Variants in ZNF805 observed in about 807,000 individuals in gnomAD.
The protein encoded by ZNF805 is CTC-444N24.8.
Under a neutral mutation model 13.6 loss-of-function variants are expected in ZNF805, and 7 were observed. That is an observed-to-expected ratio of 0.51 (90% CI 0.29 to 0.97). ZNF805 has a LOEUF of 0.97. Ranked by LOEUF, ZNF805 falls within the 50% of genes least tolerant of loss-of-function variation. The pLI is 0.08. For missense variants in ZNF805, 604 were observed against 771.0 expected, an observed-to-expected ratio of 0.78 and a Z score of 2.57; for synonymous variants, 293 against 279.8, an observed-to-expected ratio of 1.05 and a Z score of -0.47.
chr19:57,247,706 T>C (rs1418547003), intron 2 of ZNF805, among the ~76,000 whole-genome samples: 1 of 152,218 alleles, frequency 6.6e-6, no homozygotes, highest in African/African-American at 2.4e-5. Context: ...CCTGGCACTT[T>C]CTGGGCAGCG....
At chr19:57,245,013 T>C (rs1045715081) in intron 2 of ZNF805, among the ~76,000 whole-genome samples, 1 of 152,096 alleles carries the variant, frequency 6.6e-6, no homozygotes, top group South Asian at 2.1e-4. Flanking sequence ...ATGTATCTGC[T>C]CCACAGCCCA....
intron 2 of ZNF805, among the ~76,000 whole-genome samples, chr19:57,244,880 T>C (rs912402861): frequency 4.6e-5 from 7 of 152,152 alleles, no homozygotes; most frequent in Non-Finnish European, 8.8e-5. Context: ...CAGCAAATGC[T>C]GCTCCACCTC....
Position 57,240,888 on chromosome 19 carries a change from C to T in ZNF805, c.-4C>T, listed in dbSNP as rs528335847. On this transcript the variant is annotated 5_prime_UTR_variant, in exon 1 of 4. Coordinates refer to ENST00000414468, the MANE Select transcript of ZNF805 (RefSeq NM_001023563.4). ...CCGCCCCGCTAGGGCCACAGGGTCC[C>T]GGTATGGCGATGGCTTTGACGGACC... 9.4e-5 allele frequency: 146 copies of T among 1,553,964 alleles called. No individual in the cohort carries two copies. The African/African-American group carries it at 1.8e-3, about 19-fold the overall frequency.
chr19:57,249,345 G>C (rs1228471727), intron 3 of ZNF805, among the ~76,000 whole-genome samples: 1 of 152,260 alleles, frequency 6.6e-6, no homozygotes, highest in East Asian at 1.9e-4. Flanking sequence ...ATGGTCTGGT[G>C]AGCACCTACT....
At position 57,254,113 on chromosome 19, in the gene ZNF805, T is replaced by C. The variant is rs1367498385; in HGVS notation, c.1294T>C (p.Cys432Arg). ...GGAGAAGCCATATGTGTGTAGTGAATGCGGAAAGGCCTTCACCCACTGCTC... is the reference window on the plus strand; with the variant it reads ...GGAGAAGCCATATGTGTGTAGTGAACGCGGAAAGGCCTTCACCCACTGCTC... The part of the protein sequence containing the change: ...TGEKPYVCSE[C>R]GKAFTHCSTF... The change falls in exon 4 of 4, where the codon TGC (cysteine) becomes CGC (arginine). Residue 432 changes from cysteine (C) to arginine (R), a missense_variant. Around this residue, in one of 3 missense-constraint regions of ZNF805, gnomAD observed 228 missense variants for 352.8 expected, o/e 0.65. Transcript: ENST00000414468. 2 of 1,613,650 alleles carry C rather than the reference T, an allele frequency of 1.2e-6. No individual in the cohort carries two copies. The highest frequency in any genetic ancestry group is 1.7e-6 in the Non-Finnish European group (2 of 1,179,996).
Position 57,260,403 on chromosome 19 carries a change from T to A in ZNF805, c.*5700T>A, listed in dbSNP as rs762092853. ...ACTGTCGCCACCCCTTTACATTTCCTTTTACTCCCCAGATACTACTAAATG... is the reference window on the plus strand; with the variant it reads ...ACTGTCGCCACCCCTTTACATTTCCATTTACTCCCCAGATACTACTAAATG... On this transcript the variant is annotated 3_prime_UTR_variant, in exon 4 of 4. Coordinates refer to ENST00000414468, the MANE Select transcript of ZNF805 (RefSeq NM_001023563.4). 6.6e-6 allele frequency among the ~76,000 whole-genome samples: 1 copy of A among 152,150 alleles called. No individual in the cohort carries two copies. The highest frequency in any genetic ancestry group is 6.5e-5 in the Admixed American group (1 of 15,268).
intron 2 of ZNF805, among the ~76,000 whole-genome samples, chr19:57,245,089 A>T (rs1029004766): frequency 1.1e-4 from 16 of 152,098 alleles, no homozygotes; most frequent in African/African-American, 3.9e-4. Context: ...CCCCAAGGAG[A>T]CATTGACCTT....
At chr19:57,245,999 G>A (rs923941444) in intron 2 of ZNF805, among the ~76,000 whole-genome samples, 3 of 152,158 alleles carry the variant, frequency 2.0e-5, no homozygotes, top group African/African-American at 2.4e-5. Context: ...AGAGACACTT[G>A]AGGAAGTTGT....
Position 57,254,698 on chromosome 19 carries a change from C to T in ZNF805, c.1879C>T (p.Leu627=). ...AAGAGAAACCCCACAAGTGTCTTCACTGTGAGAAAACCTTCTGTTGCCAAA... is the reference window on the plus strand; with the variant it reads ...AAGAGAAACCCCACAAGTGTCTTCATTGTGAGAAAACCTTCTGTTGCCAAA... ...YQRETPQVSS[L] Residue 627 remains leucine, a synonymous_variant, in exon 4 of 4, where the codon CTG becomes TTG. Transcript: ENST00000414468. The T allele has an allele frequency of 6.2e-7, 1 of 1,604,276 alleles. No homozygotes were observed. The highest frequency in any genetic ancestry group is 8.5e-7 in the Non-Finnish European group (1 of 1,175,358).
chr19:57,252,501 C>G (rs1400934777), intron 3 of ZNF805, among the ~76,000 whole-genome samples: 2 of 152,186 alleles, frequency 1.3e-5, no homozygotes, highest in Non-Finnish European at 2.9e-5. Context: ...TCCTCAGTAA[C>G]TTGTTACCCA....
chr19:57,247,032 C>CT (rs11286084), intron 2 of ZNF805, among the ~76,000 whole-genome samples: 26 of 138,304 alleles, frequency 1.9e-4, no homozygotes, highest in Non-Finnish European at 2.8e-4. Context: ...CTCTTGTGAA[C>CT]TTTTTTTTTT....
rs575612863 is a variant in ZNF805 at position 57,253,677 on chromosome 19, T to G, written c.858T>G (p.Pro286=). 6.2e-7 allele frequency: 1 copy of G among 1,609,508 alleles called. No homozygotes were observed. Among genetic ancestry groups the G allele is most frequent in the East Asian group, 2.2e-5 (1 of 44,546 alleles). Residue 286 remains proline (P), a synonymous_variant, in exon 4 of 4, where the codon CCT becomes CCG. Transcript: ENST00000414468. This position sits in a 1 kb window ranked among gnomAD's most constrained non-coding sequence, Gnocchi z 4.4. ...AGCGGATTCACAGTGGAGAGAAGCC[T>G]TATAAGTGCAGTGAATGTGGAAAGG... The part of the protein sequence containing the change: ...QHQRIHSGEK[P]YKCSECGKAF...
chr19:57,248,739 G>T (rs558871161), intron 3 of ZNF805, 39 bp downstream of exon 3: 15 of 1,525,282 alleles, frequency 9.8e-6, no homozygotes, highest in Non-Finnish European at 1.3e-5. Context: ...GTCCCTGCTG[G>T]CTTGAGACTT....
At chr19:57,242,991 TGAGAGGATC>T (rs1256096447) in intron 1 of ZNF805, among the ~76,000 whole-genome samples, 2 of 151,220 alleles carry the variant, frequency 1.3e-5, no homozygotes, top group African/African-American at 4.9e-5. Flanking sequence ...GAGGCTGAGG[TGAGAGGATC>T]ACTTGAGGCT....
At position 57,253,442 on chromosome 19, in the gene ZNF805, G is replaced by T; in HGVS notation, c.623G>T (p.Cys208Phe). Residue 208 changes from cysteine to phenylalanine, a missense_variant, in exon 4 of 4, where the codon TGT becomes TTT. Transcript: ENST00000414468. The surrounding 1 kb of genome is among the most constrained non-coding windows in gnomAD (Gnocchi z 4.4). ...EEENIFKCNE[C>F]EKVFNKKRLL... ...GAAAATATCTTTAAATGCAATGAATGTGAAAAAGTGTTTAACAAGAAACGC... is the reference window on the plus strand; with the variant it reads ...GAAAATATCTTTAAATGCAATGAATTTGAAAAAGTGTTTAACAAGAAACGC... 7 of 1,572,270 alleles carry T rather than the reference G, an allele frequency of 4.5e-6. No homozygotes were observed. Among genetic ancestry groups the T allele is most frequent in the Non-Finnish European group, 5.2e-6 (6 of 1,158,208 alleles).
At chr19:57,248,769 G>C in intron 3 of ZNF805, 69 bp downstream of exon 3, 1 of 1,337,450 alleles carries the variant, frequency 7.5e-7, no homozygotes, top group Middle Eastern at 1.8e-4. Context: ...CACTGGCCCT[G>C]GGATCTCTTG....
rs771615116 is a variant in ZNF805, at chr19:57,256,980, T to C, written c.*2277T>C. 6.6e-6 allele frequency among the ~76,000 whole-genome samples: 1 copy of C among 152,212 alleles called. No homozygotes were observed. Among genetic ancestry groups the C allele is most frequent in the Non-Finnish European group, 1.5e-5 (1 of 68,026 alleles). ...GTTAGTTTCATCCCACAAGTCTTAA[T>C]ATGCTTTTGATTATCTTACTCAGTT... On this transcript the variant is annotated 3_prime_UTR_variant, in exon 4 of 4. Coordinates refer to ENST00000414468, the MANE Select transcript of ZNF805 (RefSeq NM_001023563.4).
Position 57,261,024 on chromosome 19 carries a change from G to C in ZNF805, c.*6321G>C, listed in dbSNP as rs957800407. On this transcript the variant is annotated 3_prime_UTR_variant, in exon 4 of 4. Coordinates refer to ENST00000414468, the MANE Select transcript of ZNF805 (RefSeq NM_001023563.4). The stretch of plus-strand genomic sequence containing the variant: ...CAGAAAGATTAAGGAATTTGTCAAA[G>C]ATTTCACAATTATGAAATTTGGGTT... 2.6e-5 allele frequency among the ~76,000 whole-genome samples: 4 copies of C among 152,158 alleles called. No homozygotes were observed. The highest frequency in any genetic ancestry group is 1.3e-4 in the Admixed American group (2 of 15,280).
In ZNF805 at chr19:57,244,045, T is replaced by C; in HGVS notation, c.153T>C (p.Ser51=). Residue 51 remains serine, a synonymous_variant, in exon 2 of 4, where the codon TCT becomes TCC. Transcript: ENST00000414468. ...VMLENCGLLV[S]LGCPVPRPEL... Reference sequence around the variant, plus strand: ...TGGAAAACTGTGGGCTCCTGGTATCTCTGGGTAAGGCCTTCCCCCTCCACC... The same window carrying C: ...TGGAAAACTGTGGGCTCCTGGTATCCCTGGGTAAGGCCTTCCCCCTCCACC... 1 of 1,613,730 alleles carries C rather than the reference T, an allele frequency of 6.2e-7. No homozygotes were observed. The highest frequency in any genetic ancestry group is 8.5e-7 in the Non-Finnish European group (1 of 1,179,832).
Sources: allele counts gnomAD v4.1 joint callset (sites outside exome capture counted in the v4.1 genomes callset), GRCh38; gene constraint gnomAD v4.1.1; regional missense constraint gnomAD v4.1.1; non-coding constraint Gnocchi (gnomAD v3.1); transcripts MANE v1.5; gene names NCBI Gene and HGNC (gene_info 2026-07-23, HGNC 2026-07-21).